PTPRC: variants seen among roughly 807,000 people sequenced by gnomAD.
PTPRC encodes protein tyrosine phosphatase receptor type C.
A neutral mutation model predicts 155.9 loss-of-function variants in PTPRC; 44 were observed. That is an observed-to-expected ratio of 0.28 (90% CI 0.22 to 0.36). The LOEUF (loss-of-function observed/expected upper bound fraction) is 0.36, where lower values mean the gene tolerates loss of function less well. Ranked by LOEUF, PTPRC falls within the 10% of genes least tolerant of loss-of-function variation. PTPRC has a pLI of 1.00. For synonymous variants in PTPRC, 525 were observed against 533.1 expected (o/e 0.98, Z 0.21); for missense variants, 1,401 against 1,564.6 (o/e 0.90, Z 1.76).
Position 198,699,934 on chromosome 1 carries a change from GGAAA to G in PTPRC, c.439+233_439+236del, listed in dbSNP as rs1315934736. ...GACTACAGCAAAAATCTGCTCAGGA[GGAAA>G]GAGTTATTCAGAATAGTCTATTTTT... On this transcript the variant is annotated intron_variant, in intron 5 of 32. Transcript: ENST00000442510. 2.8e-5 allele frequency: 17 copies of G among 617,582 alleles called. No homozygotes were observed. In the East Asian group the frequency reaches 3.6e-4, roughly 13 times the overall value. The allele number at this position is 617,582 out of a possible 1,614,324, so 38.3% of individuals were successfully genotyped here. A position where few individuals can be genotyped will look rare whatever the true frequency, so the allele number is the denominator to read the frequency against.
rs540174573 is a variant in PTPRC at position 198,752,302 on chromosome 1, A to G, written c.3261A>G (p.Glu1087=). The G allele has an allele frequency of 2.5e-6, 4 of 1,611,824 alleles. No individual in the cohort carries two copies. In the African/African-American group the frequency reaches 4.0e-5, roughly 16 times the overall value. Residue 1087 remains glutamate, a synonymous_variant, in exon 30 of 33, where the codon GAA becomes GAG. Coordinates refer to ENST00000442510, the MANE Select transcript of PTPRC (RefSeq NM_002838.5). ...GEGKQTYGDI[E]VDLKDTDKSS... ...GAAAGCAAACATATGGAGATATTGAAGTTGACCTGAAAGACACAGACAAAT... is the reference window on the plus strand; with the variant it reads ...GAAAGCAAACATATGGAGATATTGAGGTTGACCTGAAAGACACAGACAAAT...
At chr1:198,718,874 C>T (rs1653735604) in intron 14 of PTPRC, among the ~76,000 whole-genome samples, 1 of 152,052 alleles carries the variant, frequency 6.6e-6, no homozygotes, top group Non-Finnish European at 1.5e-5. Flanking sequence ...AGTTTTAAAA[C>T]TGTATTTTTA....
At chr1:198,696,221 T>C (rs930368075) in intron 3 of PTPRC, among the ~76,000 whole-genome samples, 5 of 150,372 alleles carry the variant, frequency 3.3e-5, no homozygotes, top group African/African-American at 9.8e-5. Flanking sequence ...TATATATCCA[T>C]GAGTAAATGG....
intron 12 of PTPRC, among the ~76,000 whole-genome samples, chr1:198,715,465 TTAA>T (rs1432916101): frequency 2.6e-5 from 4 of 152,068 alleles, no homozygotes; most frequent in Non-Finnish European, 5.9e-5. Context: ...TCTCGTTAAC[TTAA>T]TGATGGCAAG....
chr1:198,710,583 A>T (rs1055804656), intron 11 of PTPRC, among the ~76,000 whole-genome samples: 13 of 152,068 alleles, frequency 8.5e-5, no homozygotes, highest in Non-Finnish European at 1.8e-4. Context: ...TCTTTCCATT[A>T]ATTTATGTCT....
In PTPRC at chr1:198,756,356, C is replaced by CAGTT. The variant is rs1655662657; in HGVS notation, c.*176_*179dup. 6 of 832,320 alleles carry CAGTT rather than the reference C, an allele frequency of 7.2e-6. No homozygotes were observed. Among genetic ancestry groups the CAGTT allele is most frequent in the African/African-American group, 5.2e-5 (3 of 58,116 alleles). 51.6% of individuals were successfully genotyped at this position (832,320 alleles called of 1,614,324 possible). On this transcript the variant is annotated 3_prime_UTR_variant, in exon 33 of 33. Transcript: ENST00000442510. Reference sequence around the variant, plus strand: ...AATATTTAAGATAGTTTTGCCAGAACAGTTTGTACAGACGTATGCTTATTT... The same window carrying CAGTT: ...AATATTTAAGATAGTTTTGCCAGAACAGTTAGTTTGTACAGACGTATGCTTATTT...
At chr1:198,721,854 G>A (rs1013554101) in intron 14 of PTPRC, among the ~76,000 whole-genome samples, 5 of 150,114 alleles carry the variant, frequency 3.3e-5, no homozygotes, top group Non-Finnish European at 5.9e-5. Context: ...AATTTTTTTG[G>A]TCAAGGATTC....
chr1:198,682,001 C>T (rs1472666055), intron 2 of PTPRC, among the ~76,000 whole-genome samples: 1 of 152,258 alleles, frequency 6.6e-6, no homozygotes, highest in East Asian at 1.9e-4. Context: ...TGTGCTTAAC[C>T]GCATGAGCTG....
intron 2 of PTPRC, among the ~76,000 whole-genome samples, chr1:198,646,021 C>T (rs200574087): frequency 2.4e-4 from 36 of 151,728 alleles, no homozygotes; most frequent in African/African-American, 8.0e-4. Context: ...ATACTGAACC[C>T]GTGATTTGAT....
chr1:198,643,797 A>C (rs1662780495), intron 2 of PTPRC, among the ~76,000 whole-genome samples: 1 of 152,002 alleles, frequency 6.6e-6, no homozygotes, highest in Admixed American at 6.6e-5. Flanking sequence ...TAACACAAAC[A>C]GATCAGGTCC....
chr1:198,727,055 T>C (rs569953121), intron 15 of PTPRC, among the ~76,000 whole-genome samples: 156 of 152,082 alleles, frequency 1.0e-3, no homozygotes, highest in Non-Finnish European at 1.6e-3. Context: ...GAGATGAGGT[T>C]TCACCATGTT....
At chr1:198,700,410 G>T (rs182056156) in intron 5 of PTPRC, among the ~76,000 whole-genome samples, 1 of 152,246 alleles carries the variant, frequency 6.6e-6, no homozygotes, top group Admixed American at 6.5e-5. Flanking sequence ...CTATGTAGCT[G>T]GTAGGAACAT....
rs1338269102 is a variant in PTPRC, at chr1:198,675,682, G to A, written c.74-16665G>A. ...GACTATTTTTATATCTCTGTAAATT[G>A]GGTATGAATTATAAAAGTATGCTGG... On this transcript the variant is annotated intron_variant, in intron 2 of 32. Transcript: ENST00000442510. 3.9e-5 allele frequency among the ~76,000 whole-genome samples: 6 copies of A among 152,176 alleles called. No individual in the cohort carries two copies. The East Asian group carries it at 1.2e-3, about 29-fold the overall frequency.
chr1:198,729,053 A>G, intron 16 of PTPRC, 84 bp from the exon 17 acceptor site: 11 of 1,453,054 alleles, frequency 7.6e-6, no homozygotes, highest in Non-Finnish European at 1.0e-5. Flanking sequence ...TGTTCCTTCA[A>G]TATATTCATT....
chr1:198,673,069 T>G (rs574431949), intron 2 of PTPRC, among the ~76,000 whole-genome samples: 3 of 152,144 alleles, frequency 2.0e-5, no homozygotes, highest in Non-Finnish European at 4.4e-5. Context: ...TGAAATGTAC[T>G]AGAATCTCAG....
At chr1:198,748,746 ATT>A (rs1177922085) in intron 27 of PTPRC, among the ~76,000 whole-genome samples, 1 of 151,796 alleles carries the variant, frequency 6.6e-6, no homozygotes, top group Non-Finnish European at 1.5e-5. Flanking sequence ...ACATATGGTA[ATT>A]TTATTCAGCT....
At chr1:198,727,289 A>G (rs765448357) in intron 15 of PTPRC, among the ~76,000 whole-genome samples, 5 of 152,022 alleles carry the variant, frequency 3.3e-5, no homozygotes, top group Non-Finnish European at 7.4e-5. Context: ...CACAGCCCTT[A>G]TATCTTCTCA....
intron 5 of PTPRC, 46 bp from the exon 6 acceptor site, chr1:198,702,341 G>A (rs543250745): frequency 6.2e-7 from 1 of 1,613,924 alleles, no homozygotes; most frequent in African/African-American, 1.3e-5. Flanking sequence ...TATTGCCCTT[G>A]CGTGACAGAC....
intron 32 of PTPRC, 176 bp downstream of exon 32, chr1:198,754,580 C>G (rs1474363823): frequency 1.3e-6 from 1 of 760,822 alleles, no homozygotes; most frequent in African/African-American, 1.8e-5. Flanking sequence ...CATGATAATT[C>G]ACATTAAATT....
Sources: allele counts gnomAD v4.1 joint callset (sites outside exome capture counted in the v4.1 genomes callset), GRCh38; gene constraint gnomAD v4.1.1; transcripts MANE v1.5; gene names NCBI Gene and HGNC (gene_info 2026-07-23, HGNC 2026-07-21).